The following SFMBT2 variants were observed in gnomAD, a reference collection of about 807,000 sequenced individuals.
The protein encoded by SFMBT2 is Scm like with four mbt domains 2, also known as scm-like with four MBT domains protein 2.
Under a neutral mutation model 110.1 loss-of-function variants are expected in SFMBT2, and 38 were observed. The ratio of observed to expected loss-of-function variants is 0.35; its 90% CI spans 0.27 to 0.45. The LOEUF is 0.45. Ranked by LOEUF, SFMBT2 falls within the 20% of genes least tolerant of loss-of-function variation. The pLI is 1.00. For synonymous variants in SFMBT2, 425 were observed against 425.4 expected (o/e 1.00, Z 0.01); for missense variants, 1,011 against 1,094.9 (o/e 0.92, Z 1.08).
chr10:7,225,488 G>A (rs550627252), intron 10 of SFMBT2, among the ~76,000 whole-genome samples: 93 of 152,250 alleles, frequency 6.1e-4, no homozygotes, highest in Non-Finnish European at 1.0e-3. Context: ...CGATGCATAC[G>A]TCAACAATCC....
chr10:7,272,532 C>T (rs1395848324), intron 7 of SFMBT2, among the ~76,000 whole-genome samples: 3 of 151,964 alleles, frequency 2.0e-5, no homozygotes, highest in African/African-American at 4.8e-5. Context: ...GGCAGTTAGA[C>T]GCCCCCCACA....
intron 7 of SFMBT2, among the ~76,000 whole-genome samples, chr10:7,250,413 A>G (rs753090366): frequency 6.4e-5 from 3 of 47,050 alleles, no homozygotes; most frequent in Non-Finnish European, 1.3e-4. Context: ...TGCAAAGAAC[A>G]TACTTGCATT....
chr10:7,275,456 G>A (rs907932264), intron 7 of SFMBT2, among the ~76,000 whole-genome samples: 2 of 152,012 alleles, frequency 1.3e-5, no homozygotes, highest in East Asian at 1.9e-4. Context: ...GGGCAGGACA[G>A]TATTAAAGGA....
intron 4 of SFMBT2, among the ~76,000 whole-genome samples, chr10:7,328,212 C>G (rs1194218752): frequency 6.6e-6 from 1 of 152,198 alleles, no homozygotes; most frequent in Admixed American, 6.5e-5. Context: ...TTGCAATTCT[C>G]TAATGCAAAT....
chr10:7,261,449 T>C (rs368528187), intron 7 of SFMBT2, among the ~76,000 whole-genome samples: 64 of 152,358 alleles, frequency 4.2e-4, no homozygotes, highest in African/African-American at 1.4e-3. Flanking sequence ...AATCTTCGGA[T>C]GCTCAGCAAT....
intron 7 of SFMBT2, among the ~76,000 whole-genome samples, chr10:7,255,575 T>G (rs771333214): frequency 1.3e-5 from 2 of 152,210 alleles, no homozygotes; most frequent in Non-Finnish European, 2.9e-5. Context: ...AAAAGTAAAA[T>G]GCCATTCATT....
intron 4 of SFMBT2, among the ~76,000 whole-genome samples, chr10:7,319,168 A>G (rs1843099079): frequency 6.6e-6 from 1 of 152,218 alleles, no homozygotes; most frequent in African/African-American, 2.4e-5. Flanking sequence ...ACATGCAAAC[A>G]AAAAACGTAA....
At chr10:7,192,128 A>C (rs1838619888) in intron 15 of SFMBT2, among the ~76,000 whole-genome samples, 1 of 152,036 alleles carries the variant, frequency 6.6e-6, no homozygotes, top group African/African-American at 2.4e-5. Flanking sequence ...GTTCACACCC[A>C]CCCGTAAGCC....
chr10:7,176,512 G>T, intron 16 of SFMBT2: 1 of 985,306 alleles, frequency 1.0e-6, no homozygotes, highest in Non-Finnish European at 1.2e-6. Flanking sequence ...GAAATCGAAT[G>T]GGTATTTTCC....
chr10:7,228,719 CTT>C (rs1324922515), intron 9 of SFMBT2, among the ~76,000 whole-genome samples: 2 of 128,380 alleles, frequency 1.6e-5, no homozygotes, highest in Non-Finnish European at 3.2e-5. Flanking sequence ...TTCTTTCTTT[CTT>C]TCTTTCTTTC....
intron 4 of SFMBT2, among the ~76,000 whole-genome samples, chr10:7,323,042 G>A (rs1208399726): frequency 6.6e-6 from 1 of 152,084 alleles, no homozygotes; most frequent in East Asian, 1.9e-4. Flanking sequence ...GAGAAGTTGT[G>A]GAATAAGCAG....
At chr10:7,393,525 C>A (rs1397607866) in intron 1 of SFMBT2, among the ~76,000 whole-genome samples, 1 of 152,134 alleles carries the variant, frequency 6.6e-6, no homozygotes, top group Non-Finnish European at 1.5e-5. Flanking sequence ...ATGACTTTGT[C>A]GTCCCAGGCA....
chr10:7,273,834 C>G (rs1481170786), intron 7 of SFMBT2, among the ~76,000 whole-genome samples: 1 of 152,226 alleles, frequency 6.6e-6, no homozygotes, highest in Non-Finnish European at 1.5e-5. Context: ...GTTGGTGGGA[C>G]TGTAAACTAG....
At chr10:7,279,699 G>T (rs1266276868) in intron 6 of SFMBT2, among the ~76,000 whole-genome samples, 2 of 152,186 alleles carry the variant, frequency 1.3e-5, no homozygotes, top group African/African-American at 4.8e-5. Context: ...TCTGAAACTA[G>T]AAGCCTACAA....
At chr10:7,213,561 C>T (rs1049067919) in intron 11 of SFMBT2, among the ~76,000 whole-genome samples, 2 of 152,226 alleles carry the variant, frequency 1.3e-5, no homozygotes, top group Non-Finnish European at 2.9e-5. Flanking sequence ...CATTCGTCAG[C>T]CAGGACGTTC....
chr10:7,292,752 C>T (rs911327658), intron 4 of SFMBT2, among the ~76,000 whole-genome samples: 1 of 152,140 alleles, frequency 6.6e-6, no homozygotes, highest in African/African-American at 2.4e-5. Flanking sequence ...TGCGATGGCT[C>T]ATGCCTGTAA....
At position 7,172,545 on chromosome 10, in the gene SFMBT2, G is replaced by A; in HGVS notation, c.2101C>T (p.Gln701Ter). The change falls in exon 18 of 21, where the codon CAG becomes TAG. Residue 701 changes from glutamine to a stop codon, truncating the protein, a stop_gained. Coordinates refer to ENST00000397167, the MANE Select transcript of SFMBT2 (RefSeq NM_001387889.1). LOFTEE classifies it high-confidence loss of function. This position sits in a 1 kb window ranked among gnomAD's most constrained non-coding sequence, Gnocchi z 4.6. ...RRKRRKSIFVQKKRRSSAVDF... is the reference protein window; with the variant it reads ...RRKRRKSIFV ...ACGGCAGAAGACCTCCGTTTCTTCT[G>A]CACGAAAATGGATTTCCGTCGCTTC... 1 of 1,614,228 alleles carries A rather than the reference G, an allele frequency of 6.2e-7. No individual in the cohort carries two copies. Among genetic ancestry groups the A allele is most frequent in the Non-Finnish European group, 8.5e-7 (1 of 1,180,038 alleles).
intron 4 of SFMBT2, among the ~76,000 whole-genome samples, chr10:7,335,703 C>T (rs182372812): frequency 2.1e-4 from 32 of 151,934 alleles, no homozygotes; most frequent in African/African-American, 7.5e-4. Flanking sequence ...GGATTGGTGA[C>T]GTCCTCTAAA....
At position 7,370,310 on chromosome 10, in the gene SFMBT2, T is replaced by C. The variant is rs776785492; in HGVS notation, c.166A>G (p.Ser56Gly). 2 of 1,613,930 alleles carry C rather than the reference T, an allele frequency of 1.2e-6. No individual in the cohort carries two copies. The highest frequency in any genetic ancestry group is 1.7e-6 in the Non-Finnish European group (2 of 1,179,880). The change falls in exon 3 of 21, where the codon AGT becomes GGT. Residue 56 changes from serine to glycine, a missense_variant. By Grantham distance (56) the Ser-to-Gly change is moderately conservative (BLOSUM62 0). This residue lies in a region of SFMBT2 where 979 missense variants were observed against 1,016.1 expected (regional missense o/e 0.96). Transcript: ENST00000397167. ...WGEYLEETGA[S>G]AAPHTSFKHV... ...TTGAATGATGTGTGGGGAGCAGCAC[T>C]TGCTCCTGTCTCTTCCAAATATTCT...
Sources: allele counts gnomAD v4.1 joint callset (sites outside exome capture counted in the v4.1 genomes callset), GRCh38; gene constraint gnomAD v4.1.1; regional missense constraint gnomAD v4.1.1; non-coding constraint Gnocchi (gnomAD v3.1); transcripts MANE v1.5; gene names NCBI Gene and HGNC (gene_info 2026-07-23, HGNC 2026-07-21).